GABRG2: variants seen among roughly 807,000 people sequenced by gnomAD.
GABRG2 encodes the protein gamma-aminobutyric acid type A receptor subunit gamma2, also known as gamma-aminobutyric acid receptor subunit gamma-2.
Under a neutral mutation model 56.4 loss-of-function variants are expected in GABRG2, and 16 were observed. The observed-to-expected ratio is 0.28, with a 90% CI of 0.19 to 0.43. The LOEUF (loss-of-function observed/expected upper bound fraction) is 0.43. GABRG2 is among the 20% of genes least tolerant of loss of function. GABRG2 has a pLI of 1.00. For missense variants in GABRG2, 327 were observed against 582.7 expected, an observed-to-expected ratio of 0.56 and a Z score of 4.52; for synonymous variants, 208 against 205.5, an observed-to-expected ratio of 1.01 and a Z score of -0.10.
intron 2 of GABRG2, among the ~76,000 whole-genome samples, chr5:162,095,100 A>C (rs1160937917): frequency 6.6e-6 from 1 of 152,094 alleles, no homozygotes; most frequent in East Asian, 1.9e-4. Context: ...CTGAGTTATT[A>C]AGCAATTATT....
At chr5:162,107,151 C>G (rs982319240) in intron 6 of GABRG2, among the ~76,000 whole-genome samples, 4 of 152,026 alleles carry the variant, frequency 2.6e-5, no homozygotes, top group African/African-American at 9.7e-5. Flanking sequence ...TAGTGGCTTC[C>G]AACTCCATCC....
intron 6 of GABRG2, among the ~76,000 whole-genome samples, chr5:162,111,563 T>C (rs891716674): frequency 1.3e-5 from 2 of 152,162 alleles, no homozygotes; most frequent in Admixed American, 1.3e-4. Flanking sequence ...GGTTGGGAAA[T>C]GTAGCTCAAT....
rs535188349 is a variant in GABRG2 at position 162,115,672 on chromosome 5, A to G, written c.769+11646A>G. ...ATGGCTTTCAGAGAGGAAGGAAAAG[A>G]TACTCAGGTCTTCAAACAGGAAGAA... On this transcript the variant is annotated intron_variant, in intron 6 of 9. Coordinates refer to ENST00000639213, the MANE Select transcript of GABRG2 (RefSeq NM_198904.4). Among the ~76,000 whole-genome samples the G allele has an allele frequency of 3.9e-5, 6 of 152,244 alleles. No individual in the cohort carries two copies. In the South Asian group the frequency reaches 1.2e-3, roughly 32 times the overall value.
Position 162,153,641 on chromosome 5 carries a change from C to T in GABRG2, c.*273C>T, listed in dbSNP as rs946028984. On this transcript the variant is annotated 3_prime_UTR_variant, in exon 10 of 10. Coordinates refer to ENST00000639213, the MANE Select transcript of GABRG2 (RefSeq NM_198904.4). ...TCAAACCAAATAAGATATTTTTCAG[C>T]TACAGCAAATAAAACAGTGAAAGCC... The T allele has an allele frequency of 3.7e-6, 2 of 534,800 alleles. No homozygotes were observed. The highest frequency in any genetic ancestry group is 6.7e-6 in the Non-Finnish European group (2 of 296,970). 33.1% of individuals were successfully genotyped at this position (534,800 alleles called of 1,614,324 possible).
At chr5:162,075,963 G>A (rs188546614) in intron 1 of GABRG2, among the ~76,000 whole-genome samples, 1 of 151,556 alleles carries the variant, frequency 6.6e-6, no homozygotes, top group African/African-American at 2.4e-5. Flanking sequence ...AACTGGCCTG[G>A]GCAACATGGT....
chr5:162,103,581 A>G, intron 5 of GABRG2: 4 of 370,360 alleles, frequency 1.1e-5, no homozygotes, highest in South Asian at 9.7e-5. Flanking sequence ...GTCACTTGGT[A>G]TGCACTATTC....
chr5:162,072,985 T>A (rs910305249), intron 1 of GABRG2, among the ~76,000 whole-genome samples: 4 of 152,064 alleles, frequency 2.6e-5, no homozygotes, highest in African/African-American at 9.6e-5. Flanking sequence ...GGGGTCTCAA[T>A]CCATCAATAG....
chr5:162,068,618 C>G (rs996150037), intron 1 of GABRG2, among the ~76,000 whole-genome samples: 3 of 152,070 alleles, frequency 2.0e-5, no homozygotes, highest in Non-Finnish European at 4.4e-5. Flanking sequence ...GGTCAGTCAG[C>G]CAGGTTTTGC....
At position 162,093,848 on chromosome 5, in the gene GABRG2, A is replaced by T. The variant is rs1760796569; in HGVS notation, c.128A>T (p.Asp43Val). 1 of 1,613,132 alleles carries T rather than the reference A, an allele frequency of 6.2e-7. No homozygotes were observed. The highest frequency in any genetic ancestry group is 8.5e-7 in the Non-Finnish European group (1 of 1,179,426). The change falls in exon 2 of 10, where the codon GAT (aspartate) becomes GTT (valine). Residue 43 changes from aspartate (D) to valine (V), a missense_variant. Physicochemically the swap from Asp to Val is radical, Grantham distance 152. This residue lies in a region of GABRG2 where 73 missense variants were observed against 72.2 expected (regional missense o/e 1.01). Coordinates refer to ENST00000639213, the MANE Select transcript of GABRG2 (RefSeq NM_198904.4). ...CTTAGCTTCACTAGCCAGAAATCTG[A>T]TGATGACTATGAAGATTATGCTTCT... The part of the protein sequence containing the change: ...LYPGFTSQKS[D>V]DDYEDYASNK...
At chr5:162,094,317 G>A (rs1303683369) in intron 2 of GABRG2, 1 of 321,166 alleles carries the variant, frequency 3.1e-6, no homozygotes, top group Non-Finnish European at 5.9e-6. Flanking sequence ...ACAGTAAAGA[G>A]AGGATATATT....
intron 6 of GABRG2, among the ~76,000 whole-genome samples, chr5:162,120,135 A>G (rs976926299): frequency 6.6e-6 from 1 of 152,148 alleles, no homozygotes; most frequent in Non-Finnish European, 1.5e-5. Context: ...TGGTGTTTCC[A>G]TAGTTGTGCC....
chr5:162,100,682 A>T (rs142849827), intron 4 of GABRG2, among the ~76,000 whole-genome samples: 17 of 152,302 alleles, frequency 1.1e-4, no homozygotes, highest in Non-Finnish European at 2.2e-4. Context: ...ATCCTATTTA[A>T]TGACATCTTC....
intron 6 of GABRG2, among the ~76,000 whole-genome samples, chr5:162,116,397 G>T (rs1347649092): frequency 6.6e-6 from 1 of 151,738 alleles, no homozygotes; most frequent in East Asian, 1.9e-4. Context: ...AATCTCAATT[G>T]TTCTACCTCC....
At chr5:162,105,487 T>A (rs1396757606) in intron 6 of GABRG2, among the ~76,000 whole-genome samples, 2 of 136,100 alleles carry the variant, frequency 1.5e-5, no homozygotes, top group Admixed American at 1.7e-4. Flanking sequence ...TGGAGTGCAG[T>A]GGCGAGATCT....
At chr5:162,124,087 A>G (rs1323072832) in intron 6 of GABRG2, among the ~76,000 whole-genome samples, 2 of 151,814 alleles carry the variant, frequency 1.3e-5, no homozygotes, top group Non-Finnish European at 2.9e-5. Context: ...CCCCAGAGAG[A>G]AAGTGTTTGA....
chr5:162,126,153 T>C (rs1264243733), intron 6 of GABRG2, among the ~76,000 whole-genome samples: 2 of 151,946 alleles, frequency 1.3e-5, no homozygotes, highest in Non-Finnish European at 2.9e-5. Context: ...GAGCCAGTAG[T>C]TAAAATCTTC....
chr5:162,122,006 T>A (rs1023290766), intron 6 of GABRG2, among the ~76,000 whole-genome samples: 15 of 152,018 alleles, frequency 9.9e-5, no homozygotes, highest in Non-Finnish European at 7.4e-5. Flanking sequence ...TTCCAATATC[T>A]TAGTGTCACT....
chr5:162,103,819 C>A, intron 5 of GABRG2, 70 bp from the exon 6 acceptor site: 2 of 1,542,746 alleles, frequency 1.3e-6, no homozygotes, highest in South Asian at 1.1e-5. Flanking sequence ...GTGTCATGTT[C>A]ATAGAAGATG....
chr5:162,105,000 A>G (rs7445871), intron 6 of GABRG2, among the ~76,000 whole-genome samples: 1 of 152,230 alleles, frequency 6.6e-6, no homozygotes, highest in African/African-American at 2.4e-5. Flanking sequence ...AATTTCAAAT[A>G]CAAACATTGT....
Sources: gnomAD v4.1 joint callset for allele counts (sites outside exome capture counted in the v4.1 genomes callset) on GRCh38, gnomAD v4.1.1 for gene constraint, gnomAD v4.1.1 regional missense constraint, MANE v1.5 for transcripts, NCBI Gene and HGNC (gene_info 2026-07-23, HGNC 2026-07-21) for gene names.